HSDL2: variants seen among roughly 807,000 people sequenced by gnomAD.
The protein encoded by HSDL2 is hydroxysteroid dehydrogenase-like protein 2.
A neutral mutation model predicts 46.3 loss-of-function variants in HSDL2; 27 were observed. The ratio of observed to expected loss-of-function variants is 0.58; its 90% confidence interval spans 0.43 to 0.80. HSDL2 has a LOEUF of 0.80. HSDL2 is among the 30% of genes least tolerant of loss of function. The pLI is 0.00. For missense variants in HSDL2, 451 were observed against 502.7 expected, an observed-to-expected ratio of 0.90 and a Z score of 0.98; for synonymous variants, 153 against 163.6, an observed-to-expected ratio of 0.94 and a Z score of 0.50.
intron 2 of HSDL2, 70 bp from the exon 3 acceptor site, chr9:112,405,554 G>GT (rs1448017941): frequency 1.8e-6 from 2 of 1,088,562 alleles, no homozygotes; most frequent in African/African-American, 3.2e-5. Flanking sequence ...TCTTTTGACT[G>GT]TGATATTGGA....
At chr9:112,443,060 G>A (rs1832675195) in intron 8 of HSDL2, among the ~76,000 whole-genome samples, 1 of 152,028 alleles carries the variant, frequency 6.6e-6, no homozygotes, top group African/African-American at 2.4e-5. Context: ...TTCTCAAAAG[G>A]CCTCTTACAG....
intron 4 of HSDL2, among the ~76,000 whole-genome samples, chr9:112,412,605 TCATAA>T (rs1831899611): frequency 6.6e-6 from 1 of 152,232 alleles, no homozygotes; most frequent in Non-Finnish European, 1.5e-5. Flanking sequence ...AAATTAGTAA[TCATAA>T]CTATAGACTT....
intron 8 of HSDL2, among the ~76,000 whole-genome samples, chr9:112,451,487 T>A (rs1832884651): frequency 6.6e-6 from 1 of 152,252 alleles, no homozygotes; most frequent in Non-Finnish European, 1.5e-5. Context: ...TGTATTTACA[T>A]ATTCAGCCTT....
At chr9:112,463,288 AAT>A (rs1833270276) in intron 10 of HSDL2, among the ~76,000 whole-genome samples, 1 of 151,950 alleles carries the variant, frequency 6.6e-6, no homozygotes, top group Non-Finnish European at 1.5e-5. Context: ...CTTAAAATAA[AAT>A]AGAGATAGGG....
chr9:112,393,826 T>C (rs1271668696), intron 1 of HSDL2, among the ~76,000 whole-genome samples: 1 of 152,222 alleles, frequency 6.6e-6, no homozygotes, highest in Non-Finnish European at 1.5e-5. Flanking sequence ...TGACAATGTA[T>C]TGGACAGTTT....
intron 6 of HSDL2, among the ~76,000 whole-genome samples, chr9:112,420,611 C>T (rs1485568264): frequency 6.6e-6 from 1 of 152,110 alleles, no homozygotes; most frequent in East Asian, 1.9e-4. Flanking sequence ...TTGAAGGCTG[C>T]AGTGAGCCAT....
chr9:112,386,713 G>T (rs889711389), intron 1 of HSDL2, among the ~76,000 whole-genome samples: 3 of 152,138 alleles, frequency 2.0e-5, no homozygotes, highest in Admixed American at 2.0e-4. Flanking sequence ...AGCTGGGAAG[G>T]TCAAGTCTCC....
intron 1 of HSDL2, among the ~76,000 whole-genome samples, chr9:112,402,923 G>A (rs1055071989): frequency 6.6e-6 from 1 of 151,736 alleles, no homozygotes; most frequent in African/African-American, 2.4e-5. Flanking sequence ...CAGCCTGGGC[G>A]ACAGAGCGAG....
At chr9:112,426,974 C>T (rs1420532516) in intron 6 of HSDL2, among the ~76,000 whole-genome samples, 1 of 152,162 alleles carries the variant, frequency 6.6e-6, no homozygotes, top group Non-Finnish European at 1.5e-5. Flanking sequence ...TCTAGTTTTA[C>T]CAGCCCTCAC....
At position 112,454,020 on chromosome 9, in the gene HSDL2, T is replaced by C; in HGVS notation, c.873T>C (p.Val291=). ...VSKKVESTGA[V]PEFKEEKLQL... ...TTCAATAATATCTTATAGGTGCTGTTCCAGAATTCAAAGAAGAGAAACTGC... is the reference window on the plus strand; with the variant it reads ...TTCAATAATATCTTATAGGTGCTGTCCCAGAATTCAAAGAAGAGAAACTGC... The change falls in exon 9 of 11, where the codon GTT becomes GTC. Residue 291 remains valine (V), a synonymous_variant. Coordinates refer to ENST00000398805, the MANE Select transcript of HSDL2 (RefSeq NM_032303.5). 2 of 1,613,636 alleles carry C rather than the reference T, an allele frequency of 1.2e-6. No individual in the cohort carries two copies. Among genetic ancestry groups the C allele is most frequent in the Non-Finnish European group, 1.7e-6 (2 of 1,179,816 alleles).
At chr9:112,415,874 G>GT (rs1489636989) in intron 4 of HSDL2, among the ~76,000 whole-genome samples, 6 of 152,064 alleles carry the variant, frequency 3.9e-5, no homozygotes, top group Non-Finnish European at 8.8e-5. Context: ...GTATCTTGGC[G>GT]GAGCGTGGGT....
intron 1 of HSDL2, among the ~76,000 whole-genome samples, chr9:112,400,800 G>A (rs1831572745): frequency 6.6e-6 from 1 of 152,196 alleles, no homozygotes; most frequent in Non-Finnish European, 1.5e-5. Context: ...GCTTGCAGCT[G>A]CATCCCTCCA....
chr9:112,430,394 G>A (rs1462674779), intron 6 of HSDL2, among the ~76,000 whole-genome samples: 1 of 152,182 alleles, frequency 6.6e-6, no homozygotes, highest in African/African-American at 2.4e-5. Context: ...ATGAGACGAT[G>A]TCCATAAGGA....
chr9:112,388,917 T>C (rs1218566498), intron 1 of HSDL2, among the ~76,000 whole-genome samples: 1 of 152,090 alleles, frequency 6.6e-6, no homozygotes, highest in African/African-American at 2.4e-5. Context: ...AACCGGGTCC[T>C]GTAGTGGAAG....
chr9:112,462,606 G>A (rs1024521839), intron 10 of HSDL2, among the ~76,000 whole-genome samples: 1 of 15,376 alleles, frequency 6.5e-5, no homozygotes, highest in South Asian at 2.7e-3. Context: ...GGGGATGTGT[G>A]TGTGTGTGTG....
intron 9 of HSDL2, among the ~76,000 whole-genome samples, chr9:112,454,577 A>G (rs1832970152): frequency 6.6e-6 from 1 of 152,334 alleles, no homozygotes; most frequent in Middle Eastern, 3.4e-3. Flanking sequence ...TTAGAAGGGC[A>G]TATGGATCAT....
intron 10 of HSDL2, among the ~76,000 whole-genome samples, chr9:112,467,149 C>T (rs1265658204): frequency 6.6e-6 from 1 of 151,930 alleles, no homozygotes; most frequent in African/African-American, 2.4e-5. Flanking sequence ...TCACAATAGG[C>T]AAAAGACAGA....
At chr9:112,435,111 T>C (rs916886453) in intron 6 of HSDL2, among the ~76,000 whole-genome samples, 9 of 152,226 alleles carry the variant, frequency 5.9e-5, no homozygotes, top group African/African-American at 9.6e-5. Context: ...TGTTGAGAAA[T>C]ACTCAATGGC....
chr9:112,420,696 G>A (rs1832099675), intron 6 of HSDL2, among the ~76,000 whole-genome samples: 2 of 151,958 alleles, frequency 1.3e-5, no homozygotes, highest in African/African-American at 4.8e-5. Flanking sequence ...CCTTTGTCCC[G>A]AGAATACTCT....
Sources: gnomAD v4.1 joint callset for allele counts (sites outside exome capture counted in the v4.1 genomes callset) on GRCh38, gnomAD v4.1.1 for gene constraint, MANE v1.5 for transcripts, NCBI Gene and HGNC (gene_info 2026-07-23, HGNC 2026-07-21) for gene names.